The following GLE1 variants were observed in gnomAD, a reference collection of about 807,000 sequenced individuals.
GLE1 encodes GLE1 RNA export mediator.
Under a neutral mutation model 97.3 loss-of-function variants are expected in GLE1, and 78 were observed. The observed-to-expected ratio is 0.80, with a 90% CI of 0.67 to 0.97. The LOEUF is 0.97. Ranked by LOEUF, GLE1 falls within the 50% of genes least tolerant of loss-of-function variation. The pLI, the probability that GLE1 is intolerant of heterozygous loss-of-function variation, is 0.00. For missense variants in GLE1, 753 were observed against 857.5 expected (o/e 0.88, Z 1.52); for synonymous variants, 302 against 313.4 (o/e 0.96, Z 0.39).
chr9:128,525,461 G>A (rs1307361559), intron 7 of GLE1, 38 bp downstream of exon 7: 1 of 1,237,720 alleles, frequency 8.1e-7, no homozygotes, highest in South Asian at 1.3e-5. Flanking sequence ...TAACTCGTAA[G>A]TTTCAAATGT....
intron 2 of GLE1, among the ~76,000 whole-genome samples, chr9:128,511,811 A>C (rs1846833002): frequency 2.0e-5 from 3 of 151,798 alleles, no homozygotes; most frequent in Admixed American, 6.6e-5. Flanking sequence ...GTGAAGATTT[A>C]TTTCTTTATT....
chr9:128,511,561 T>A (rs1327216993), intron 2 of GLE1, among the ~76,000 whole-genome samples: 4 of 150,252 alleles, frequency 2.7e-5, no homozygotes, highest in Non-Finnish European at 4.4e-5. Flanking sequence ...AAAAAAAAAA[T>A]TAGGCGAGTT....
At chr9:128,514,618 A>C (rs974941114) in intron 2 of GLE1, among the ~76,000 whole-genome samples, 1 of 151,918 alleles carries the variant, frequency 6.6e-6, no homozygotes, top group Non-Finnish European at 1.5e-5. Context: ...ACGTGCCACC[A>C]TGCCCGGCTA....
chr9:128,536,625 G>A (rs1847719876), intron 12 of GLE1, 141 bp downstream of exon 12: 1 of 738,992 alleles, frequency 1.4e-6, no homozygotes, highest in East Asian at 2.8e-5. Flanking sequence ...TGGGTATTAT[G>A]TAGAGGACTG....
In GLE1 at chr9:128,525,380, G is replaced by A; in HGVS notation, c.1086G>A (p.Glu362=). ...AGCAGGGACCAGAGGCCCACAAAGAGCCCCCAGCTCCCAGCCAGGGCCCAG... is the reference window on the plus strand; with the variant it reads ...AGCAGGGACCAGAGGCCCACAAAGAACCCCCAGCTCCCAGCCAGGGCCCAG... ...QMQQGPEAHK[E]PPAPSQGPGG... The change falls in exon 7 of 16, where the codon GAG becomes GAA. Residue 362 remains glutamate (E), a synonymous_variant. Coordinates refer to ENST00000309971, the MANE Select transcript of GLE1 (RefSeq NM_001003722.2). The A allele has an allele frequency of 6.2e-7, 1 of 1,611,754 alleles. No individual in the cohort carries two copies. The highest frequency in any genetic ancestry group is 2.2e-5 in the East Asian group (1 of 44,812).
chr9:128,508,070 C>T (rs1415762479), intron 1 of GLE1, among the ~76,000 whole-genome samples: 1 of 151,686 alleles, frequency 6.6e-6, no homozygotes, highest in Non-Finnish European at 1.5e-5. Flanking sequence ...ATCCCAGCTA[C>T]TCAGGAGGCT....
At chr9:128,505,135 T>G (rs1846603724) in intron 1 of GLE1, among the ~76,000 whole-genome samples, 1 of 152,202 alleles carries the variant, frequency 6.6e-6, no homozygotes, top group Non-Finnish European at 1.5e-5. Context: ...CTCTGAAGGC[T>G]TCATTGCTAC....
chr9:128,517,715 G>A (rs1364436867), intron 3 of GLE1, among the ~76,000 whole-genome samples: 2 of 151,474 alleles, frequency 1.3e-5, no homozygotes, highest in Non-Finnish European at 2.9e-5. Flanking sequence ...TTATTGTTTT[G>A]TTTTCTAGAA....
chr9:128,515,587 A>T lies in GLE1; in HGVS notation c.380A>T (p.Lys127Ile), dbSNP rs369524210. 5 of 1,610,238 alleles carry T rather than the reference A, an allele frequency of 3.1e-6. No individual in the cohort carries two copies. The African/African-American group carries it at 5.3e-5, about 17-fold the overall frequency. Residue 127 changes from lysine (K) to isoleucine (I), a missense_variant, in exon 3 of 16, where the codon AAA (lysine) becomes ATA (isoleucine). Physicochemically the swap from Lys to Ile is moderately radical, Grantham distance 102 (BLOSUM62 -3). Coordinates refer to ENST00000309971, the MANE Select transcript of GLE1 (RefSeq NM_001003722.2). ...GTACTTCAGTCCTCACGGGGGATCA[A>T]AGTGGAAGGCTGCGTCCGAATGTAC... The part of the protein sequence containing the change: ...SMVLQSSRGI[K>I]VEGCVRMYEL...
chr9:128,518,912 A>G (rs560505070), intron 3 of GLE1, among the ~76,000 whole-genome samples: 1 of 152,076 alleles, frequency 6.6e-6, no homozygotes, highest in Admixed American at 6.5e-5. Context: ...AGGGACCCCA[A>G]ATGGAGGGAC....
At chr9:128,512,386 A>G (rs1318863912) in intron 2 of GLE1, among the ~76,000 whole-genome samples, 12 of 152,134 alleles carry the variant, frequency 7.9e-5, no homozygotes. Flanking sequence ...ACCAATATCA[A>G]TTTACTGGTT....
chr9:128,523,211 G>T lies in GLE1; in HGVS notation c.582-69G>T, dbSNP rs369531807. The T allele has an allele frequency of 3.2e-5, 37 of 1,165,382 alleles. No homozygotes were observed. In the African/African-American group the frequency reaches 4.7e-4, roughly 15 times the overall value. 72.2% of individuals were successfully genotyped at this position (1,165,382 alleles called of 1,614,324 possible). A position where few individuals can be genotyped will look rare whatever the true frequency, so the allele number is the denominator to read the frequency against. ...GGAAGGGAGGGCAGGGAGAGGGAGA[G>T]AAAAGAAAGAAAGAAAAACAATTTC... is the stretch of plus-strand genomic sequence containing the variant. On this transcript the variant is annotated intron_variant, in intron 4 of 15. Transcript: ENST00000309971.
chr9:128,534,727 A>AT (rs1178738170), intron 11 of GLE1, among the ~76,000 whole-genome samples: 13 of 149,208 alleles, frequency 8.7e-5, no homozygotes, highest in South Asian at 2.1e-4. Context: ...TATTTTTTTT[A>AT]TTTTTTTTTG....
chr9:128,518,464 G>A (rs569504148), intron 3 of GLE1, among the ~76,000 whole-genome samples: 19 of 152,184 alleles, frequency 1.2e-4, no homozygotes, highest in African/African-American at 4.6e-4. Flanking sequence ...AGGAGGCTGA[G>A]GCTGGACAAT....
chr9:128,510,242 T>C (rs1846769016), intron 2 of GLE1, among the ~76,000 whole-genome samples: 1 of 151,880 alleles, frequency 6.6e-6, no homozygotes, highest in South Asian at 2.1e-4. Flanking sequence ...TTCTTTTTTT[T>C]TTTTGAGACG....
chr9:128,513,557 A>G (rs1015468642), intron 2 of GLE1, among the ~76,000 whole-genome samples: 5 of 152,064 alleles, frequency 3.3e-5, no homozygotes, highest in African/African-American at 1.2e-4. Context: ...TATTTACAAA[A>G]AAATTACCTG....
chr9:128,532,638 C>G, intron 9 of GLE1: 1 of 854,414 alleles, frequency 1.2e-6, no homozygotes, highest in Non-Finnish European at 1.4e-6. Context: ...CATCTGTCCT[C>G]TCTACATCTC....
At chr9:128,527,913 G>A (rs912477368) in intron 9 of GLE1, among the ~76,000 whole-genome samples, 2 of 149,646 alleles carry the variant, frequency 1.3e-5, no homozygotes, top group African/African-American at 4.9e-5. Context: ...GCAGTGAGCC[G>A]AGATCACACC....
chr9:128,520,402 G>GTATATATGTATATATATGTATATATGTA (rs1847117196), intron 3 of GLE1, among the ~76,000 whole-genome samples: 2 of 147,458 alleles, frequency 1.4e-5, no homozygotes, highest in Non-Finnish European at 3.0e-5. Flanking sequence ...ATGTATGTGT[G>GTATATATGTATATATATGTATATATGTA]TATATATGTA....
Sources: gnomAD v4.1 joint callset for allele counts (sites outside exome capture counted in the v4.1 genomes callset) on GRCh38, gnomAD v4.1.1 for gene constraint, MANE v1.5 for transcripts, NCBI Gene and HGNC (gene_info 2026-07-23, HGNC 2026-07-21) for gene names.